TRIM15: variants seen among roughly 807,000 people sequenced by gnomAD.
TRIM15 encodes tripartite motif containing 15, also known as E3 ubiquitin-protein ligase TRIM15.
TRIM15 carries 35 observed loss-of-function variants against 35.8 expected under a neutral mutation model. The observed-to-expected ratio is 0.98, with a 90% CI of 0.75 to 1.30. The LOEUF is 1.30. TRIM15 is among the 50% of genes most tolerant of loss of function. The probability of loss-of-function intolerance (pLI) is 0.00; values close to 1 mark genes in which losing one functional copy is unlikely to be tolerated. For synonymous variants in TRIM15, 252 were observed against 249.8 expected (o/e 1.01, Z -0.08); for missense variants, 590 against 593.5 (o/e 0.99, Z 0.06).
intron 1 of TRIM15, among the ~76,000 whole-genome samples, chr6:30,165,593 T>C (rs1421830374): frequency 1.3e-5 from 2 of 152,258 alleles, no homozygotes; most frequent in African/African-American, 4.8e-5. Flanking sequence ...AGTAGGATAA[T>C]TTATAATCCT....
At chr6:30,166,147 C>T (rs187572071) in intron 1 of TRIM15, among the ~76,000 whole-genome samples, 16 of 152,282 alleles carry the variant, frequency 1.1e-4, no homozygotes, top group Non-Finnish European at 1.9e-4. Context: ...GTTGCCATTG[C>T]TTTTGGTGTT....
Position 30,163,755 on chromosome 6 carries a change from A to T in TRIM15, c.71A>T (p.Glu24Val). The T allele has an allele frequency of 1.2e-6, 2 of 1,612,980 alleles. No homozygotes were observed. Among genetic ancestry groups the T allele is most frequent in the Non-Finnish European group, 1.7e-6 (2 of 1,180,018 alleles). ...TGTACCCTCTGTGCGGGGCCGCTGGAGGATGCGGTGACCATTCCCTGTGGA... is the reference window on the plus strand; with the variant it reads ...TGTACCCTCTGTGCGGGGCCGCTGGTGGATGCGGTGACCATTCCCTGTGGA... Reference protein sequence around the residue: ...PACTLCAGPLEDAVTIPCGHT... With the variant: ...PACTLCAGPLVDAVTIPCGHT... The change falls in exon 1 of 7, where the codon GAG becomes GTG. Residue 24 changes from glutamate (E) to valine (V), a missense_variant. Glu to Val is a moderately radical substitution (Grantham distance 121). Transcript: ENST00000376694.
intron 4 of TRIM15, among the ~76,000 whole-genome samples, chr6:30,170,035 G>A (rs976446457): frequency 6.6e-6 from 1 of 152,186 alleles, no homozygotes; most frequent in South Asian, 2.1e-4. Flanking sequence ...TGCAGCAAGT[G>A]TCTAATGAGG....
intron 1 of TRIM15, among the ~76,000 whole-genome samples, chr6:30,164,798 C>T (rs1015885383): frequency 1.3e-5 from 2 of 152,168 alleles, no homozygotes; most frequent in African/African-American, 4.8e-5. Flanking sequence ...CAAAGTCACT[C>T]ATCTGCACAA....
chr6:30,168,568 G>C, intron 3 of TRIM15, 38 bp downstream of exon 3: 1 of 1,536,362 alleles, frequency 6.5e-7, no homozygotes, highest in Non-Finnish European at 8.8e-7. Context: ...ATAAGAGAGG[G>C]ACTCCACGGG....
Position 30,172,107 on chromosome 6 carries a change from G to T in TRIM15, c.1156G>T (p.Val386Phe), listed in dbSNP as rs778464819. Reference protein sequence around the residue: ...GEMGLSAEDGVWAVIISHQQC... With the variant: ...GEMGLSAEDGFWAVIISHQQC... ...GATGGGACTCAGCGCCGAGGACGGC[G>T]TCTGGGCCGTGATCATCTCGCACCA... Residue 386 changes from valine to phenylalanine, a missense_variant, in exon 7 of 7, where the codon GTC becomes TTC. Val to Phe is a conservative substitution (Grantham distance 50). Transcript: ENST00000376694. 16 of 1,578,370 alleles carry T rather than the reference G, an allele frequency of 1.0e-5. No homozygotes were observed. The highest frequency in any genetic ancestry group is 1.4e-5 in the Non-Finnish European group (16 of 1,162,562).
Position 30,163,632 on chromosome 6 carries a change from G to A in TRIM15, c.-53G>A. The A allele has an allele frequency of 6.5e-7, 1 of 1,532,384 alleles. No homozygotes were observed. The highest frequency in any genetic ancestry group is 2.3e-5 in the East Asian group (1 of 44,110). The allele number at this position is 1,532,384 out of a possible 1,614,324, so 94.9% of individuals were successfully genotyped here. A position where few individuals can be genotyped will look rare whatever the true frequency, so the allele number is the denominator to read the frequency against. The stretch of plus-strand genomic sequence containing the variant: ...AGTGTGACTCGATTTCAGGGAAAGG[G>A]AACTCGCGTGGGCTGAGGAGACCGG... On this transcript the variant is annotated 5_prime_UTR_variant, in exon 1 of 7. Coordinates refer to ENST00000376694, the MANE Select transcript of TRIM15 (RefSeq NM_033229.3).
At chr6:30,169,845 A>C (rs114329735) in intron 4 of TRIM15, 6,056 of 251,402 alleles carry the variant, frequency 0.024, 140 homozygotes, top group African/African-American at 0.051. Flanking sequence ...CTAGGGAACA[A>C]TTGTCACGTG....
chr6:30,169,646 C>T (rs1350447904), intron 4 of TRIM15: 1 of 438,832 alleles, frequency 2.3e-6, no homozygotes, highest in Non-Finnish European at 4.2e-6. Context: ...GCATGGAAAC[C>T]AGGAATACCA....
chr6:30,169,207 A>G, intron 3 of TRIM15, 34 bp from the exon 4 acceptor site: 1 of 1,613,168 alleles, frequency 6.2e-7, no homozygotes, highest in Non-Finnish European at 8.5e-7. Flanking sequence ...GGACTTATGG[A>G]AACTAAATGT....
At position 30,168,671 on chromosome 6, in the gene TRIM15, C is replaced by G. The variant is rs557092946; in HGVS notation, c.708+141C>G. On this transcript the variant is annotated intron_variant, in intron 3 of 6. Coordinates refer to ENST00000376694, the MANE Select transcript of TRIM15 (RefSeq NM_033229.3). ...GGTGCAGATCCAGAGGGGCTGGAGACTTGCCCAAGTCATACACTGTGGTCA... is the reference window on the plus strand; with the variant it reads ...GGTGCAGATCCAGAGGGGCTGGAGAGTTGCCCAAGTCATACACTGTGGTCA... 5.0e-6 allele frequency: 4 copies of G among 795,328 alleles called. No homozygotes were observed. The Admixed American group carries it at 8.2e-5, about 16-fold the overall frequency. 49.3% of individuals were successfully genotyped at this position (795,328 alleles called of 1,614,324 possible).
At position 30,172,045 on chromosome 6, in the gene TRIM15, TG is replaced by T; in HGVS notation, c.1099del (p.Val367TrpfsTer6). 2 of 1,570,244 alleles carry T rather than the reference TG, an allele frequency of 1.3e-6. No individual in the cohort carries two copies. Among genetic ancestry groups the T allele is most frequent in the Admixed American group, 1.9e-5 (1 of 53,724 alleles). On this transcript the variant is annotated frameshift_variant, in exon 7 of 7. Transcript: ENST00000376694. LOFTEE classifies it low-confidence loss of function (END_TRUNC). ...LQLGDGGGCTVGVAGEGVRRK... is the reference protein window; with the variant it reads ...LQLGDGGGCTXGVAGEGVRRK... The stretch of plus-strand genomic sequence containing the variant: ...CTGGGCGACGGCGGCGGCTGCACGG[TG>T]GGGGTGGCCGGGGAGGGGGTGAGGA...
intron 4 of TRIM15, 148 bp from the exon 5 acceptor site, chr6:30,170,353 T>G: frequency 1.7e-6 from 1 of 590,518 alleles, no homozygotes; most frequent in Non-Finnish European, 3.0e-6. Context: ...ACTACACATT[T>G]CCAGCAAAAG....
In TRIM15 at chr6:30,172,179, G is replaced by A; in HGVS notation, c.1228G>A (p.Glu410Lys). Residue 410 changes from glutamate to lysine, a missense_variant, in exon 7 of 7, where the codon GAG (glutamate) becomes AAG (lysine). Glu to Lys is a moderately conservative substitution (Grantham distance 56, BLOSUM62 1). Transcript: ENST00000376694. ...TSPGTDLPLS[E>K]IPRGVRVALD... ...CCCGGGCACCGACCTGCCGCTGAGC[G>A]AGATCCCGCGCGGCGTGAGAGTCGC... The A allele has an allele frequency of 1.9e-6, 3 of 1,605,868 alleles. No individual in the cohort carries two copies. The South Asian group carries it at 3.3e-5, about 18-fold the overall frequency.
chr6:30,167,004 T>C (rs577636520), intron 1 of TRIM15, among the ~76,000 whole-genome samples, 172 bp from the exon 2 acceptor site: 9 of 152,362 alleles, frequency 5.9e-5, no homozygotes, highest in Admixed American at 5.9e-4. Context: ...TGTATTTTAA[T>C]CACTTGACAT....
In TRIM15 at chr6:30,172,330, G is replaced by T; in HGVS notation, c.1379G>T (p.Cys460Phe). ...PFFAVWKKGS[C>F]LTLKG is the part of the protein sequence containing the mutation. ...TTTGCCGTCTGGAAAAAAGGTTCCT[G>T]CCTTACGCTGAAAGGCTGAAGTGGG... The change falls in exon 7 of 7, where the codon TGC becomes TTC. Residue 460 changes from cysteine (C) to phenylalanine (F), a missense_variant. Transcript: ENST00000376694. 6.2e-7 allele frequency: 1 copy of T among 1,608,130 alleles called. No individual in the cohort carries two copies. The highest frequency in any genetic ancestry group is 8.5e-7 in the Non-Finnish European group (1 of 1,177,370).
intron 1 of TRIM15, among the ~76,000 whole-genome samples, chr6:30,165,560 C>T (rs1773537808): frequency 6.6e-6 from 1 of 152,196 alleles, no homozygotes; most frequent in Non-Finnish European, 1.5e-5. Flanking sequence ...CTGCAATAAA[C>T]ATATGTGTGC....
At position 30,164,066 on chromosome 6, in the gene TRIM15, G is replaced by A; in HGVS notation, c.381+1G>A. On this transcript the variant is annotated splice_donor_variant, in intron 1 of 6. Coordinates refer to ENST00000376694, the MANE Select transcript of TRIM15 (RefSeq NM_033229.3). LOFTEE classifies it high-confidence loss of function. Reference sequence around the variant, plus strand: ...GGACGAGGCCATTCAGCCCTACCGGGTAAGAAGTGTAGCTTTACCTAGGGC... The same window carrying A: ...GGACGAGGCCATTCAGCCCTACCGGATAAGAAGTGTAGCTTTACCTAGGGC... 1.2e-6 allele frequency: 2 copies of A among 1,608,660 alleles called. No homozygotes were observed. The highest frequency in any genetic ancestry group is 8.5e-7 in the Non-Finnish European group (1 of 1,177,238).
At chr6:30,166,511 G>A (rs1338394253) in intron 1 of TRIM15, among the ~76,000 whole-genome samples, 3 of 152,138 alleles carry the variant, frequency 2.0e-5, no homozygotes, top group Non-Finnish European at 2.9e-5. Flanking sequence ...CTACAGCCTT[G>A]TAGTATAGTT....
Sources: allele counts gnomAD v4.1 joint callset (sites outside exome capture counted in the v4.1 genomes callset), GRCh38; gene constraint gnomAD v4.1.1; transcripts MANE v1.5; gene names NCBI Gene and HGNC (gene_info 2026-07-23, HGNC 2026-07-21).